Variants in GNG7 observed in about 807,000 individuals in gnomAD.
GNG7 encodes G protein subunit gamma 7.
GNG7 carries 1 observed loss-of-function variant against 4.0 expected under a neutral mutation model. That is an observed-to-expected ratio of 0.25 (90% CI 0.09 to 1.18). The LOEUF is 1.18. GNG7 is among the 50% of genes most tolerant of loss of function. The probability of loss-of-function intolerance (pLI) is 0.50; values close to 1 mark genes in which losing one functional copy is unlikely to be tolerated. For synonymous variants in GNG7, 34 were observed against 36.9 expected (o/e 0.92, Z 0.29); for missense variants, 86 against 91.9 (o/e 0.94, Z 0.26).
chr19:2,692,754 G>C (rs1456955624), intron 1 of GNG7, among the ~76,000 whole-genome samples: 1 of 152,022 alleles, frequency 6.6e-6, no homozygotes, highest in Non-Finnish European at 1.5e-5. Flanking sequence ...GGCCGGCTGC[G>C]GTGGGCGAAT....
chr19:2,552,139 C>A (rs1979352720), intron 3 of GNG7, among the ~76,000 whole-genome samples: 2 of 152,040 alleles, frequency 1.3e-5, no homozygotes, highest in African/African-American at 4.8e-5. Flanking sequence ...TTATGAGAAT[C>A]TAATGCCTAA....
chr19:2,649,068 G>A (rs547534176), intron 1 of GNG7, among the ~76,000 whole-genome samples: 1 of 151,644 alleles, frequency 6.6e-6, no homozygotes, highest in East Asian at 1.9e-4. Context: ...GTTCTGGGAA[G>A]GGGGAAGGAA....
chr19:2,549,225 T>C (rs1282678479), intron 3 of GNG7, among the ~76,000 whole-genome samples: 2 of 151,604 alleles, frequency 1.3e-5, no homozygotes, highest in African/African-American at 4.8e-5. Flanking sequence ...ATATACGTTT[T>C]GGCAAAAATG....
rs1002204501 is a variant in GNG7 at position 2,595,449 on chromosome 19, A to C, written c.-77-40261T>G. Among the ~76,000 whole-genome samples the C allele has an allele frequency of 7.9e-5, 12 of 151,826 alleles. 2 individuals carry two copies. Among genetic ancestry groups the C allele is most frequent in the Admixed American group, 6.5e-4 (10 of 15,280 alleles). The stretch of plus-strand genomic sequence containing the variant: ...GCCCGGCTGAAAGGAAATTAAATTT[A>C]AGGGCCGAGTGCAGTGGCTCATGCC... On this transcript the variant is annotated intron_variant, in intron 2 of 4. Coordinates refer to ENST00000382159, the MANE Select transcript of GNG7 (RefSeq NM_052847.3).
rs541716949 is a variant in GNG7 at position 2,614,283 on chromosome 19, G to T, written c.-78+31941C>A. ...CCTGCCCTCTGTGTACCCGCAGGGG[G>T]GCCCTGCACGTCGGGTCTCAGGCAC... On this transcript the variant is annotated intron_variant, in intron 2 of 4. Coordinates refer to ENST00000382159, the MANE Select transcript of GNG7 (RefSeq NM_052847.3). This position sits in a 1 kb window ranked among gnomAD's most constrained non-coding sequence, Gnocchi z 6.0. Among the ~76,000 whole-genome samples the T allele has an allele frequency of 1.3e-5, 2 of 152,334 alleles. No individual in the cohort carries two copies. Among genetic ancestry groups the T allele is most frequent in the East Asian group, 1.9e-4 (1 of 5,180 alleles).
intron 3 of GNG7, among the ~76,000 whole-genome samples, chr19:2,529,438 G>C (rs753408725): frequency 6.6e-6 from 1 of 152,132 alleles, no homozygotes; most frequent in Non-Finnish European, 1.5e-5. Context: ...GGCTGGTCTC[G>C]AACTCCTGAC....
chr19:2,688,080 G>A (rs1057492283), intron 1 of GNG7, among the ~76,000 whole-genome samples: 7 of 151,220 alleles, frequency 4.6e-5, no homozygotes, highest in African/African-American at 1.2e-4. Context: ...GTGAAACCCC[G>A]TCCCTACTAA....
At chr19:2,558,528 C>T (rs1405497828) in intron 2 of GNG7, among the ~76,000 whole-genome samples, 6 of 151,844 alleles carry the variant, frequency 4.0e-5, no homozygotes, top group Non-Finnish European at 5.9e-5. Context: ...CCACTGCACC[C>T]GGCCAGCAAA....
At chr19:2,680,007 G>A (rs1239394511) in intron 1 of GNG7, among the ~76,000 whole-genome samples, 3 of 152,118 alleles carry the variant, frequency 2.0e-5, no homozygotes, top group Non-Finnish European at 2.9e-5. Context: ...AAACAGGACC[G>A]TCTTCTTACA....
At chr19:2,669,754 T>C (rs1983403162) in intron 1 of GNG7, among the ~76,000 whole-genome samples, 1 of 151,700 alleles carries the variant, frequency 6.6e-6, no homozygotes, top group African/African-American at 2.4e-5. Flanking sequence ...TCATGCCTGT[T>C]ATCCCAGCAC....
intron 3 of GNG7, among the ~76,000 whole-genome samples, chr19:2,549,973 G>A (rs776418649): frequency 1.3e-5 from 2 of 152,162 alleles, no homozygotes; most frequent in Non-Finnish European, 2.9e-5. Flanking sequence ...ATTCCATTAC[G>A]CCTTTTCTTG....
intron 1 of GNG7, among the ~76,000 whole-genome samples, chr19:2,674,472 G>A (rs180692735): frequency 8.6e-5 from 13 of 151,872 alleles, no homozygotes; most frequent in African/African-American, 1.7e-4. Context: ...GTCTTGTTCC[G>A]TTGCCTAGGC....
At chr19:2,663,070 G>C (rs1463551442) in intron 1 of GNG7, among the ~76,000 whole-genome samples, 1 of 152,164 alleles carries the variant, frequency 6.6e-6, no homozygotes, top group Non-Finnish European at 1.5e-5. Flanking sequence ...GATAGTAAAT[G>C]CTTGCTGTTT....
chr19:2,591,452 GGTTTT>G (rs1980847396), intron 2 of GNG7, among the ~76,000 whole-genome samples: 1 of 91,828 alleles, frequency 1.1e-5, no homozygotes, highest in South Asian at 4.0e-4. Context: ...GAAAATAAAG[GGTTTT>G]TTTTTTTTTT....
intron 2 of GNG7, among the ~76,000 whole-genome samples, chr19:2,559,918 G>A (rs956072196): frequency 6.6e-6 from 1 of 152,040 alleles, no homozygotes; most frequent in Admixed American, 6.6e-5. Flanking sequence ...GTTCCTCCAC[G>A]AGGCCCTGAG....
chr19:2,560,223 G>A (rs1234865919), intron 2 of GNG7, among the ~76,000 whole-genome samples: 1 of 152,108 alleles, frequency 6.6e-6, no homozygotes, highest in African/African-American at 2.4e-5. Context: ...TACGGACTCC[G>A]TGAATGACAA....
chr19:2,568,638 CAT>C (rs997237373), intron 2 of GNG7, among the ~76,000 whole-genome samples: 11 of 124,806 alleles, frequency 8.8e-5, no homozygotes, highest in African/African-American at 1.1e-4. Context: ...CATATATACA[CAT>C]ATACACAAAT....
intron 1 of GNG7, among the ~76,000 whole-genome samples, chr19:2,666,143 G>T (rs937946995): frequency 6.6e-6 from 1 of 150,948 alleles, no homozygotes; most frequent in Admixed American, 6.6e-5. Flanking sequence ...CACCGTGCCC[G>T]GCTTATGTTT....
At chr19:2,684,169 C>A (rs1374240600) in intron 1 of GNG7, among the ~76,000 whole-genome samples, 1 of 146,424 alleles carries the variant, frequency 6.8e-6, no homozygotes, top group African/African-American at 2.6e-5. Context: ...TGGAGTCTCA[C>A]TCTGTCGCCC....
Sources: gnomAD v4.1 joint callset for allele counts (sites outside exome capture counted in the v4.1 genomes callset) on GRCh38, gnomAD v4.1.1 for gene constraint, Gnocchi (gnomAD v3.1) non-coding constraint, MANE v1.5 for transcripts, NCBI Gene and HGNC (gene_info 2026-07-23, HGNC 2026-07-21) for gene names.